Variants in BRD9 observed in about 807,000 individuals in gnomAD.
BRD9 encodes the protein bromodomain containing 9.
Under a neutral mutation model 68.7 loss-of-function variants are expected in BRD9, and 47 were observed. The observed-to-expected ratio is 0.68, with a 90% CI of 0.54 to 0.87. The LOEUF is 0.87. BRD9 is among the 40% of genes least tolerant of loss of function. BRD9 has a pLI of 0.00. For missense variants in BRD9, 670 were observed against 748.4 expected (o/e 0.90, Z 1.22); for synonymous variants, 313 against 293.9 (o/e 1.06, Z -0.67).
intron 5 of BRD9, 59 bp from the exon 6 acceptor site, chr5:887,530 T>C: frequency 7.8e-7 from 1 of 1,289,534 alleles, no homozygotes; most frequent in Non-Finnish European, 1.1e-6. Context: ...ACAGCAAAGC[T>C]CTAGATGACT....
rs372222979 is a variant in BRD9, at chr5:864,497, G to C, written c.1765C>G (p.Pro589Ala). The change falls in exon 16 of 16, where the codon CCA becomes GCA. Residue 589 changes from proline to alanine, a missense_variant. By Grantham distance (27) the Pro-to-Ala change is conservative. This residue lies in a region of BRD9 where 280 missense variants were observed against 281.5 expected (regional missense o/e 0.99). Transcript: ENST00000467963. ...GTCTTGGCAGAGGCCGCAGGCTCTG[G>C]AGACTGAAGAAACTCATAGGGGTCG... ...THDPYEFLQS[P>A]EPAASAKT is the part of the protein sequence containing the mutation. 6.2e-7 allele frequency: 1 copy of C among 1,613,922 alleles called. No individual in the cohort carries two copies. Among genetic ancestry groups the C allele is most frequent in the Non-Finnish European group, 8.5e-7 (1 of 1,179,864 alleles).
intron 14 of BRD9, chr5:869,309 G>T (rs77270720): frequency 2.2e-6 from 1 of 456,000 alleles, no homozygotes; most frequent in Non-Finnish European, 4.4e-6. Flanking sequence ...ACAGAAATCT[G>T]AAGGTTGACA....
intron 11 of BRD9, among the ~76,000 whole-genome samples, chr5:876,869 G>A (rs1009872619): frequency 6.6e-6 from 1 of 152,188 alleles, no homozygotes; most frequent in African/African-American, 2.4e-5. Flanking sequence ...CCGTGTCTTT[G>A]TTAAAACACC....
At position 891,626 on chromosome 5, in the gene BRD9, C is replaced by T. The variant is rs1235865855; in HGVS notation, c.267+14G>A. The stretch of plus-strand genomic sequence containing the variant: ...TCGTGGGCAGCGTCCGGGCCACCGC[C>T]GCTGCTCCTTTACCTTTCGCTTCCT... On this transcript the variant is annotated intron_variant, in intron 2 of 15. Coordinates refer to ENST00000467963, the MANE Select transcript of BRD9 (RefSeq NM_023924.5). 3 of 1,550,146 alleles carry T rather than the reference C, an allele frequency of 1.9e-6. No homozygotes were observed. Among genetic ancestry groups the T allele is most frequent in the East Asian group, 2.4e-5 (1 of 40,912 alleles).
Position 883,959 on chromosome 5 carries a change from G to A in BRD9, c.945C>T (p.Asn315=), listed in dbSNP as rs1560919392. Residue 315 remains asparagine, a synonymous_variant, in exon 8 of 16, where the codon AAC becomes AAT. Coordinates refer to ENST00000467963, the MANE Select transcript of BRD9 (RefSeq NM_023924.5). ...CTACCTTGCCGCCTGGGAGGAACCG[G>A]TTGATCCTGTCCCGAGCTTCGTCAG... ...HAADEARDRI[N]RFLPGGKMGY... is the part of the protein sequence containing the mutation. The A allele has an allele frequency of 6.2e-7, 1 of 1,612,960 alleles. No homozygotes were observed. The highest frequency in any genetic ancestry group is 1.7e-5 in the Admixed American group (1 of 60,024).
At chr5:881,211 T>C (rs779719128) in intron 8 of BRD9, 29 bp from the exon 9 acceptor site, 2 of 1,602,232 alleles carry the variant, frequency 1.2e-6, no homozygotes, top group Admixed American at 3.3e-5. Flanking sequence ...TGAGCGTCTG[T>C]CCCTCAGGAG....
At chr5:864,637 C>CCCAAGGTCTGCTTCCTGACCTACCG in intron 15 of BRD9, 69 bp from the exon 16 acceptor site, 2 of 1,427,754 alleles carry the variant, frequency 1.4e-6, no homozygotes, top group Non-Finnish European at 2.0e-6. Flanking sequence ...GCTCCTGGAG[C>CCCAAGGTCTGCTTCCTGACCTACCG]CCAAGGTCTG....
chr5:886,519 C>T, intron 7 of BRD9, 73 bp downstream of exon 7: 3 of 1,392,920 alleles, frequency 2.2e-6, no homozygotes, highest in Non-Finnish European at 3.0e-6. Context: ...CTCACTCTCC[C>T]CTACAAGGCA....
intron 9 of BRD9, among the ~76,000 whole-genome samples, chr5:880,768 T>C (rs138878788): frequency 0.038 from 5,725 of 152,330 alleles, 340 homozygotes; most frequent in African/African-American, 0.13. Flanking sequence ...GCCAGCACTC[T>C]GGTCTTTGCT....
chr5:884,752 G>A (rs533508993), intron 7 of BRD9, among the ~76,000 whole-genome samples: 2 of 152,370 alleles, frequency 1.3e-5, no homozygotes, highest in African/African-American at 4.8e-5. Flanking sequence ...CCATGAGAGC[G>A]GCCCTGCCCT....
rs1750875620 is a variant in BRD9, at chr5:876,089, A to G, written c.1383+12T>C. On this transcript the variant is annotated intron_variant, in intron 12 of 15. Transcript: ENST00000467963. ...GCACCTGCCCCCCAACCCCGGTGCG[A>G]GTGCAGCCCACCTGCTTCAGCTGGA... is the stretch of plus-strand genomic sequence containing the variant. 56 of 1,595,870 alleles carry G rather than the reference A, an allele frequency of 3.5e-5. No individual in the cohort carries two copies. Among genetic ancestry groups the G allele is most frequent in the Non-Finnish European group, 4.8e-5 (56 of 1,166,394 alleles).
At chr5:864,611 C>G in intron 15 of BRD9, 43 bp from the exon 16 acceptor site, 1 of 1,555,788 alleles carries the variant, frequency 6.4e-7, no homozygotes, top group Non-Finnish European at 8.8e-7. Flanking sequence ...CAGGACAGAC[C>G]CGCAGCACAC....
intron 6 of BRD9, 119 bp from the exon 7 acceptor site, chr5:886,826 G>GT (rs1752642309): frequency 1.3e-6 from 2 of 1,542,200 alleles, no homozygotes; most frequent in African/African-American, 2.7e-5. Context: ...CCAGGGTGCC[G>GT]TGACGATGGG....
intron 7 of BRD9, 96 bp downstream of exon 7, chr5:886,495 CG>C: frequency 8.6e-7 from 1 of 1,165,232 alleles, no homozygotes; most frequent in South Asian, 1.5e-5. Context: ...ACATGACATC[CG>C]TTCTCTCACT....
In BRD9 at chr5:876,137, G is replaced by C. The variant is rs143034112; in HGVS notation, c.1347C>G (p.Gly449=). 6.2e-7 allele frequency: 1 copy of C among 1,613,656 alleles called. No homozygotes were observed. The highest frequency in any genetic ancestry group is 1.3e-5 in the African/African-American group (1 of 75,020). Residue 449 remains glycine (G), a synonymous_variant, in exon 12 of 16, where the codon GGC becomes GGG. Transcript: ENST00000467963. ...GGAAGAGCGTCCTAGAGTGGTCTCC[G>C]CCTGTGATCTGGTCCAGGAGGTCGT... ...VVDDLLDQIT[G]GDHSRTLFQL...
At chr5:871,905 G>A (rs1750191916) in intron 12 of BRD9, among the ~76,000 whole-genome samples, 1 of 152,266 alleles carries the variant, frequency 6.6e-6, no homozygotes, top group Admixed American at 6.5e-5. Context: ...TAGATCCTAT[G>A]GGAAGCTTAG....
Position 891,275 on chromosome 5 carries a change from G to T in BRD9, c.280C>A (p.Arg94=), listed in dbSNP as rs1189953181. 6.4e-7 allele frequency: 1 copy of T among 1,551,456 alleles called. No homozygotes were observed. The highest frequency in any genetic ancestry group is 1.2e-5 in the South Asian group (1 of 84,024). Residue 94 remains arginine (R), a synonymous_variant, in exon 3 of 16, where the codon CGG becomes AGG. Coordinates refer to ENST00000467963, the MANE Select transcript of BRD9 (RefSeq NM_023924.5). ...ERRKRKEEKK[R]KREREHCDTE... ...TCACAGTGCTCCCTCTCTCGCTTCC[G>T]CTTCTTCTCTTCCTGGGCGGCAGAG...
chr5:865,891 G>C, intron 14 of BRD9: 1 of 268,600 alleles, frequency 3.7e-6, no homozygotes, highest in Non-Finnish European at 7.0e-6. Context: ...CACAACCCAG[G>C]ATGGGCCTGG....
chr5:891,711 T>A lies in BRD9; in HGVS notation c.196A>T (p.Lys66Ter). The stretch of plus-strand genomic sequence containing the variant: ...GACTTCTTCTTCTTCTTCTTTTTCT[T>A]TTCTTTGTGCCTCTCTCGCTCATGG... ...SDHERERHKE[K>*]KKKKKKKSEK... The change falls in exon 2 of 16, where the codon AAG (lysine) becomes TAG (stop). Residue 66 changes from lysine (K) to a stop codon, truncating the protein, a stop_gained. Transcript: ENST00000467963. LOFTEE classifies it high-confidence loss of function. 1 of 1,551,672 alleles carries A rather than the reference T, an allele frequency of 6.4e-7. No homozygotes were observed. The highest frequency in any genetic ancestry group is 8.7e-7 in the Non-Finnish European group (1 of 1,147,008).
Sources: gnomAD v4.1 joint callset for allele counts (sites outside exome capture counted in the v4.1 genomes callset) on GRCh38, gnomAD v4.1.1 for gene constraint, gnomAD v4.1.1 regional missense constraint, MANE v1.5 for transcripts, NCBI Gene and HGNC (gene_info 2026-07-23, HGNC 2026-07-21) for gene names.